The following DLGAP2 variants were observed in gnomAD, a reference collection of about 807,000 sequenced individuals.
The protein encoded by DLGAP2 is DLG associated protein 2, also known as disks large-associated protein 2.
Under a neutral mutation model 100.3 loss-of-function variants are expected in DLGAP2, and 26 were observed. The ratio of observed to expected loss-of-function variants is 0.26; its 90% confidence interval spans 0.19 to 0.36. The LOEUF is 0.36. Ranked by LOEUF, DLGAP2 falls within the 10% of genes least tolerant of loss-of-function variation. The pLI, the probability that DLGAP2 is intolerant of heterozygous loss-of-function variation, is 1.00. For missense variants in DLGAP2, 1,858 were observed against 1,453.2 expected (o/e 1.28, Z -4.53); for synonymous variants, 886 against 630.1 (o/e 1.41, Z -6.08).
At chr8:1,323,477 C>G (rs1800952304) in intron 3 of DLGAP2, among the ~76,000 whole-genome samples, 1 of 152,360 alleles carries the variant, frequency 6.6e-6, no homozygotes, top group East Asian at 1.9e-4. Context: ...CTTCCTCCCA[C>G]CCCACACTGT....
At chr8:774,268 G>A (rs906175113) in intron 1 of DLGAP2, among the ~76,000 whole-genome samples, 3 of 152,124 alleles carry the variant, frequency 2.0e-5, no homozygotes, top group African/African-American at 7.2e-5. Flanking sequence ...AGACGAGTAG[G>A]TTGCGAAAAT....
intron 2 of DLGAP2, among the ~76,000 whole-genome samples, chr8:931,850 G>A (rs930458477): frequency 6.6e-6 from 1 of 152,138 alleles, no homozygotes; most frequent in African/African-American, 2.4e-5. Flanking sequence ...ACAACATAAT[G>A]TATGTAAAAC....
chr8:1,256,596 C>T lies in DLGAP2; in HGVS notation c.74-2255C>T, dbSNP rs544363042. Among the ~76,000 whole-genome samples, 146 of 128,926 alleles carry T rather than the reference C, an allele frequency of 1.1e-3. 1 individual carries two copies. The highest frequency in any genetic ancestry group is 5.0e-3 in the African/African-American group (118 of 23,614). The allele number at this position is 128,926 out of a possible 152,430, so 84.6% of individuals were successfully genotyped here. A position where few individuals can be genotyped will look rare whatever the true frequency, so the allele number is the denominator to read the frequency against. On this transcript the variant is annotated intron_variant, in intron 2 of 14. Transcript: ENST00000637795. The stretch of plus-strand genomic sequence containing the variant: ...TGCTGTGCGTGTGTACTCTCCTGCC[C>T]GGGTGCTGTGTGTGCGCACAGGGAC...
chr8:1,564,391 C>T (rs908322353), intron 5 of DLGAP2, among the ~76,000 whole-genome samples: 1 of 152,180 alleles, frequency 6.6e-6, no homozygotes, highest in Non-Finnish European at 1.5e-5. Context: ...TTTACCCTCC[C>T]CTCAGAGAGA....
intron 1 of DLGAP2, among the ~76,000 whole-genome samples, chr8:884,077 T>C (rs1797873948): frequency 6.6e-6 from 1 of 152,228 alleles, no homozygotes; most frequent in African/African-American, 2.4e-5. Flanking sequence ...TCTTTGCTAT[T>C]GTGAATAGTG....
intron 8 of DLGAP2, among the ~76,000 whole-genome samples, chr8:1,666,388 T>C (rs935779214): frequency 6.6e-6 from 1 of 152,176 alleles, no homozygotes; most frequent in Non-Finnish European, 1.5e-5. Context: ...TGTATCCACT[T>C]TGGGCTGGAT....
chr8:786,665 G>T (rs956052564), intron 1 of DLGAP2, among the ~76,000 whole-genome samples: 11 of 152,148 alleles, frequency 7.2e-5, no homozygotes, highest in African/African-American at 2.4e-4. Flanking sequence ...GACCTCCGGG[G>T]AGGGGCCTCG....
At chr8:1,685,246 G>C (rs1171587086) in intron 12 of DLGAP2, among the ~76,000 whole-genome samples, 1 of 152,206 alleles carries the variant, frequency 6.6e-6, no homozygotes, top group Middle Eastern at 3.2e-3. Context: ...CATGCTCCAT[G>C]CAGGGCACGA....
chr8:768,346 A>G (rs933437512), intron 1 of DLGAP2, among the ~76,000 whole-genome samples: 1 of 151,548 alleles, frequency 6.6e-6, no homozygotes, highest in East Asian at 1.9e-4. Flanking sequence ...TACTCAAATA[A>G]CTGTTATTTC....
At chr8:1,430,012 A>ATATATATATATG (rs1797373525) in intron 3 of DLGAP2, among the ~76,000 whole-genome samples, 1 of 69,486 alleles carries the variant, frequency 1.4e-5, no homozygotes, top group African/African-American at 8.0e-5. Flanking sequence ...ATATACATAT[A>ATATATATATATG]TATATATATA....
At chr8:1,359,899 T>G (rs1272275773) in intron 3 of DLGAP2, among the ~76,000 whole-genome samples, 1 of 152,246 alleles carries the variant, frequency 6.6e-6, no homozygotes, top group Admixed American at 6.5e-5. Context: ...AGAAAATCTC[T>G]TGGAATTTTG....
chr8:1,136,481 A>C (rs1434074072), intron 2 of DLGAP2, among the ~76,000 whole-genome samples: 1 of 152,186 alleles, frequency 6.6e-6, no homozygotes, highest in African/African-American at 2.4e-5. Flanking sequence ...CCTCATCGTC[A>C]GGCTGGCTCT....
intron 2 of DLGAP2, among the ~76,000 whole-genome samples, chr8:1,249,565 T>TAA (rs1563038887): frequency 5.3e-5 from 8 of 152,232 alleles, no homozygotes; most frequent in Non-Finnish European, 8.8e-5. Flanking sequence ...TAATTCCTTA[T>TAA]ACGACTGAAT....
At chr8:1,509,569 G>A (rs992491530) in intron 4 of DLGAP2, among the ~76,000 whole-genome samples, 4 of 152,028 alleles carry the variant, frequency 2.6e-5, no homozygotes, top group Non-Finnish European at 5.9e-5. Context: ...GTGCTGTCTC[G>A]GTGTTTGAAA....
intron 2 of DLGAP2, among the ~76,000 whole-genome samples, chr8:1,145,780 TAG>T (rs1796595922): frequency 8.1e-6 from 1 of 123,862 alleles, no homozygotes; most frequent in Non-Finnish European, 1.6e-5. Context: ...CACCCCACAA[TAG>T]TCCCCAGAGT....
intron 3 of DLGAP2, among the ~76,000 whole-genome samples, chr8:1,428,981 C>T (rs1174737008): frequency 6.6e-6 from 1 of 152,184 alleles, no homozygotes; most frequent in Admixed American, 6.5e-5. Context: ...TCAACTTAGG[C>T]ACATTAAAAT....
At chr8:1,038,469 G>C (rs1413808165) in intron 2 of DLGAP2, among the ~76,000 whole-genome samples, 1 of 152,148 alleles carries the variant, frequency 6.6e-6, no homozygotes, top group Non-Finnish European at 1.5e-5. Context: ...GTATCCCCTG[G>C]AGCCTCTGTT....
At chr8:1,691,648 C>T (rs374993121) in intron 13 of DLGAP2, 22 bp downstream of exon 13, 2 of 1,571,290 alleles carry the variant, frequency 1.3e-6, no homozygotes, top group African/African-American at 1.4e-5. Flanking sequence ...CTCAGTGAAC[C>T]CCTGTTCCCT....
intron 1 of DLGAP2, among the ~76,000 whole-genome samples, chr8:762,281 A>G (rs920309387): frequency 6.6e-6 from 1 of 152,198 alleles, no homozygotes; most frequent in African/African-American, 2.4e-5. Context: ...CTTATTACCA[A>G]CGATATGGAA....
Sources: allele counts gnomAD v4.1 joint callset (sites outside exome capture counted in the v4.1 genomes callset), GRCh38; gene constraint gnomAD v4.1.1; transcripts MANE v1.5; gene names NCBI Gene and HGNC (gene_info 2026-07-23, HGNC 2026-07-21).